WRNIP1: variants seen among roughly 807,000 people sequenced by gnomAD.
WRNIP1 encodes the protein ATPase WRNIP1.
In WRNIP1, 41 loss-of-function variants were observed where a neutral mutation model predicts 56.1. That is an observed-to-expected ratio of 0.73 (90% CI 0.57 to 0.95). WRNIP1 has a LOEUF of 0.95. Among genes scored for constraint, WRNIP1 ranks in the 40% least tolerant of loss-of-function variants. WRNIP1 has a pLI of 0.00. For missense variants in WRNIP1, 1,170 were observed against 939.4 expected (o/e 1.25, Z -3.21); for synonymous variants, 547 against 398.1 (o/e 1.37, Z -4.45).
Position 2,779,543 on chromosome 6 carries a change from G to A in WRNIP1, c.1486+51G>A, listed in dbSNP as rs757095413. 8.4e-6 allele frequency: 13 copies of A among 1,553,610 alleles called. No homozygotes were observed. In the South Asian group the frequency reaches 1.3e-4, roughly 15 times the overall value. ...TGAAACCATACGGAAAGAAGTGTGT[G>A]CACACATTCTCATTTCCGGAAGCCT... On this transcript the variant is annotated intron_variant, in intron 4 of 6. Transcript: ENST00000380773.
At chr6:2,772,979 G>C in intron 3 of WRNIP1, 4 of 985,312 alleles carry the variant, frequency 4.1e-6, no homozygotes, top group Non-Finnish European at 4.8e-6. Flanking sequence ...TCATGTTTTG[G>C]TGCCCTAGAT....
At chr6:2,777,901 A>C (rs1765469366) in intron 3 of WRNIP1, among the ~76,000 whole-genome samples, 1 of 152,154 alleles carries the variant, frequency 6.6e-6, no homozygotes, top group Non-Finnish European at 1.5e-5. Flanking sequence ...GGCAGTTGGC[A>C]TGAGTGAGGA....
intron 4 of WRNIP1, among the ~76,000 whole-genome samples, chr6:2,781,410 T>C (rs946974573): frequency 3.3e-5 from 5 of 152,238 alleles, no homozygotes; most frequent in African/African-American, 1.2e-4. Context: ...GACACATAAA[T>C]ATCATTCAGA....
intron 1 of WRNIP1, among the ~76,000 whole-genome samples, chr6:2,767,169 A>G (rs1184082751): frequency 1.3e-5 from 2 of 152,214 alleles, no homozygotes; most frequent in Non-Finnish European, 2.9e-5. Flanking sequence ...AGCGTTCCAG[A>G]TGAGGGCAGT....
At chr6:2,772,824 C>T (rs1765337545) in intron 3 of WRNIP1, among the ~76,000 whole-genome samples, 1 of 152,160 alleles carries the variant, frequency 6.6e-6, no homozygotes, top group Admixed American at 6.5e-5. Flanking sequence ...TTTTGCTTTC[C>T]AATCCCTGTT....
chr6:2,767,844 A>G (rs938829437), intron 1 of WRNIP1, among the ~76,000 whole-genome samples: 10 of 152,196 alleles, frequency 6.6e-5, no homozygotes, highest in African/African-American at 2.4e-4. Context: ...AAGCCTAGGC[A>G]TCTGTGACTT....
In WRNIP1 at chr6:2,782,039, G is replaced by A. The variant is rs547722344; in HGVS notation, c.1487-1367G>A. ...AAAAGATGACTAACCTGTGTAGGGGGAGTTTAAATTTGACATAAAGTGGTG... is the reference window on the plus strand; with the variant it reads ...AAAAGATGACTAACCTGTGTAGGGGAAGTTTAAATTTGACATAAAGTGGTG... On this transcript the variant is annotated intron_variant, in intron 4 of 6. Transcript: ENST00000380773. 1.1e-4 allele frequency among the ~76,000 whole-genome samples: 17 copies of A among 152,306 alleles called. No homozygotes were observed. In the East Asian group the frequency reaches 3.1e-3, roughly 28 times the overall value.
rs1334777007 is a variant in WRNIP1 at position 2,785,117 on chromosome 6, G to GC, written c.1839dup (p.Val614ArgfsTer11). On this transcript the variant is annotated frameshift_variant, in exon 7 of 7. Transcript: ENST00000380773. LOFTEE classifies it high-confidence loss of function. ...GCCTGAGGAACCACCAGGGGCCACT[G>GC]CCCCCCGTGCCCCTGCACCTGAGGA... 6 of 1,614,056 alleles carry GC rather than the reference G, an allele frequency of 3.7e-6. No homozygotes were observed. Among genetic ancestry groups the GC allele is most frequent in the Admixed American group, 1.7e-5 (1 of 60,000 alleles).
intron 1 of WRNIP1, among the ~76,000 whole-genome samples, chr6:2,768,122 C>T (rs1765108572): frequency 6.6e-6 from 1 of 152,126 alleles, no homozygotes; most frequent in African/African-American, 2.4e-5. Context: ...CTAATGTGAC[C>T]ACAGTGCTGC....
At chr6:2,774,247 C>A in intron 3 of WRNIP1, 2 of 985,414 alleles carry the variant, frequency 2.0e-6, no homozygotes, top group Non-Finnish European at 2.4e-6. Context: ...GCAGCCAGAA[C>A]CACAGATCTC....
intron 5 of WRNIP1, 138 bp downstream of exon 5, chr6:2,783,699 A>G (rs1032990874): frequency 9.1e-6 from 6 of 660,470 alleles, no homozygotes; most frequent in Admixed American, 4.7e-5. Context: ...TCTCAGGGCT[A>G]TGTGAGACTG....
intron 3 of WRNIP1, among the ~76,000 whole-genome samples, chr6:2,775,226 C>A (rs1401687482): frequency 1.3e-5 from 2 of 149,148 alleles, no homozygotes; most frequent in Non-Finnish European, 3.0e-5. Context: ...TCTGACTTTT[C>A]TCTCTTGGCA....
At chr6:2,767,289 C>A (rs150370432) in intron 1 of WRNIP1, among the ~76,000 whole-genome samples, 1 of 152,180 alleles carries the variant, frequency 6.6e-6, no homozygotes, top group African/African-American at 2.4e-5. Context: ...ATACAGGATG[C>A]TTTTATCCAT....
intron 4 of WRNIP1, among the ~76,000 whole-genome samples, chr6:2,781,245 G>T (rs1416334478): frequency 1.3e-5 from 2 of 152,204 alleles, no homozygotes; most frequent in East Asian, 1.9e-4. Flanking sequence ...GGATCACCTT[G>T]TCTATAGCTT....
chr6:2,783,106 AT>A, intron 4 of WRNIP1, among the ~76,000 whole-genome samples: 1 of 152,270 alleles, frequency 6.6e-6, no homozygotes, highest in South Asian at 2.1e-4. Flanking sequence ...TCTCTGGCAA[AT>A]CCACCAGCTG....
intron 3 of WRNIP1, chr6:2,773,310 G>T: frequency 1.0e-6 from 1 of 985,436 alleles, no homozygotes; most frequent in Non-Finnish European, 1.2e-6. Context: ...TATGATGAAG[G>T]CTAGGGGAGC....
intron 3 of WRNIP1, among the ~76,000 whole-genome samples, chr6:2,772,571 C>G (rs756551549): frequency 6.6e-6 from 1 of 152,172 alleles, no homozygotes; most frequent in Admixed American, 6.5e-5. Context: ...GTATCAAGAG[C>G]CTTTTTCTTT....
At position 2,766,183 on chromosome 6, in the gene WRNIP1, G is replaced by A; in HGVS notation, c.561G>A (p.Gly187=). Residue 187 remains glycine (G), a synonymous_variant, in exon 1 of 7, where the codon GGG becomes GGA. Transcript: ENST00000380773. ...DADADGEDDP[G]HWDADAAEAA... ...ACGCGGACGGCGAGGACGACCCGGGGCACTGGGACGCGGACGCTGCCGAAG... is the reference window on the plus strand; with the variant it reads ...ACGCGGACGGCGAGGACGACCCGGGACACTGGGACGCGGACGCTGCCGAAG... The A allele has an allele frequency of 7.2e-7, 1 of 1,381,830 alleles. No homozygotes were observed. Among genetic ancestry groups the A allele is most frequent in the Middle Eastern group, 2.6e-4 (1 of 3,882 alleles). The allele number at this position is 1,381,830 out of a possible 1,614,324, so 85.6% of individuals were successfully genotyped here.
intron 5 of WRNIP1, among the ~76,000 whole-genome samples, chr6:2,783,765 T>C (rs1335894512): frequency 6.6e-6 from 1 of 151,954 alleles, no homozygotes; most frequent in Admixed American, 6.6e-5. Flanking sequence ...CTGGTGTATG[T>C]GCTTTTGAAT....
Sources: gnomAD v4.1 joint callset for allele counts (sites outside exome capture counted in the v4.1 genomes callset) on GRCh38, gnomAD v4.1.1 for gene constraint, MANE v1.5 for transcripts, NCBI Gene and HGNC (gene_info 2026-07-23, HGNC 2026-07-21) for gene names.